MACROD2: variants seen among roughly 807,000 people sequenced by gnomAD.
MACROD2 encodes ADP-ribose glycohydrolase MACROD2.
A neutral mutation model predicts 70.4 loss-of-function variants in MACROD2; 36 were observed. That is an observed-to-expected ratio of 0.51 (90% CI 0.39 to 0.68). The LOEUF is 0.68. Among genes scored for constraint, MACROD2 ranks in the 30% least tolerant of loss-of-function variants. MACROD2 has a pLI of 0.00. For missense variants in MACROD2, 496 were observed against 538.4 expected (o/e 0.92, Z 0.78); for synonymous variants, 172 against 178.8 (o/e 0.96, Z 0.30).
At chr20:15,056,036 C>T (rs567195588) in intron 5 of MACROD2, among the ~76,000 whole-genome samples, 1 of 152,250 alleles carries the variant, frequency 6.6e-6, no homozygotes, top group East Asian at 1.9e-4. Flanking sequence ...ATCCGCCTGC[C>T]TCGGCCTCCC....
At chr20:14,071,568 T>G (rs1023182326) in intron 2 of MACROD2, among the ~76,000 whole-genome samples, 5 of 152,118 alleles carry the variant, frequency 3.3e-5, no homozygotes, top group African/African-American at 9.7e-5. Flanking sequence ...CCCGACCATT[T>G]CATCTTGATT....
At chr20:14,207,913 A>G (rs1348022665) in intron 3 of MACROD2, among the ~76,000 whole-genome samples, 1 of 152,204 alleles carries the variant, frequency 6.6e-6, no homozygotes, top group Non-Finnish European at 1.5e-5. Context: ...GGAATTTTCA[A>G]ATGCCAGCCA....
At chr20:14,694,677 A>G (rs1418656852) in intron 5 of MACROD2, among the ~76,000 whole-genome samples, 1 of 152,196 alleles carries the variant, frequency 6.6e-6, no homozygotes, top group African/African-American at 2.4e-5. Flanking sequence ...CTTTATGACA[A>G]TAATCCATCA....
intron 7 of MACROD2, among the ~76,000 whole-genome samples, chr20:15,460,991 TATATATA>T (rs1568825025): frequency 3.7e-5 from 3 of 80,530 alleles, no homozygotes; most frequent in South Asian, 8.1e-4. Context: ...TATATATATA[TATATATA>T]TATATATATT....
At chr20:15,332,912 C>T (rs1185895406) in intron 6 of MACROD2, among the ~76,000 whole-genome samples, 1 of 149,784 alleles carries the variant, frequency 6.7e-6, no homozygotes, top group Non-Finnish European at 1.5e-5. Context: ...AGAAGTCTGC[C>T]TTTAGCAAGG....
chr20:15,966,903 A>C (rs773393792), intron 12 of MACROD2, among the ~76,000 whole-genome samples: 1 of 152,176 alleles, frequency 6.6e-6, no homozygotes, highest in Non-Finnish European at 1.5e-5. Flanking sequence ...GTAGTTTTGC[A>C]ATAGCCCATA....
intron 2 of MACROD2, among the ~76,000 whole-genome samples, chr20:14,066,263 A>G (rs1434018546): frequency 2.0e-5 from 3 of 152,200 alleles, no homozygotes; most frequent in Non-Finnish European, 4.4e-5. Context: ...GGTCCTCTTA[A>G]GCATAAACAC....
chr20:15,968,994 G>T (rs1305040355), intron 13 of MACROD2, among the ~76,000 whole-genome samples: 3 of 151,786 alleles, frequency 2.0e-5, no homozygotes, highest in Non-Finnish European at 4.4e-5. Flanking sequence ...TAGGGCATTT[G>T]CTGATTCTAC....
intron 5 of MACROD2, among the ~76,000 whole-genome samples, chr20:14,802,691 G>A (rs1413314818): frequency 6.6e-6 from 1 of 151,622 alleles, no homozygotes; most frequent in Non-Finnish European, 1.5e-5. Context: ...TCGTAAATTT[G>A]TATTACAAAT....
chr20:15,321,842 G>T (rs149543954), intron 6 of MACROD2, among the ~76,000 whole-genome samples: 4,448 of 144,016 alleles, frequency 0.031, 800 homozygotes, highest in Non-Finnish European at 0.049. Flanking sequence ...GCCCAGGCTG[G>T]AGTGCAGTTG....
chr20:15,824,356 T>C (rs2063973842), intron 8 of MACROD2, among the ~76,000 whole-genome samples: 1 of 152,182 alleles, frequency 6.6e-6, no homozygotes, highest in Non-Finnish European at 1.5e-5. Flanking sequence ...TATTTTAAGA[T>C]ATGGTTATTT....
chr20:15,426,296 C>A (rs1464903028), intron 6 of MACROD2, among the ~76,000 whole-genome samples: 1 of 151,748 alleles, frequency 6.6e-6, no homozygotes, highest in Non-Finnish European at 1.5e-5. Context: ...GGTGGCCCAA[C>A]CTATAATTTC....
At chr20:14,410,836 A>G (rs1285455928) in intron 3 of MACROD2, among the ~76,000 whole-genome samples, 1 of 152,122 alleles carries the variant, frequency 6.6e-6, no homozygotes, top group Admixed American at 6.6e-5. Flanking sequence ...TGGCATCAGC[A>G]TTTACACAAA....
intron 8 of MACROD2, among the ~76,000 whole-genome samples, chr20:15,547,043 A>G (rs557612533): frequency 3.3e-5 from 5 of 152,286 alleles, no homozygotes; most frequent in African/African-American, 1.2e-4. Context: ...TTGCTGTTGA[A>G]TCGGAACCAA....
intron 4 of MACROD2, among the ~76,000 whole-genome samples, chr20:14,620,491 A>C (rs968965707): frequency 3.3e-5 from 5 of 152,120 alleles, no homozygotes; most frequent in Admixed American, 6.6e-5. Flanking sequence ...GTTAAAAAAA[A>C]AGTTTTCTTT....
chr20:15,350,742 G>A (rs2078218844), intron 6 of MACROD2, among the ~76,000 whole-genome samples: 1 of 152,076 alleles, frequency 6.6e-6, no homozygotes, highest in East Asian at 1.9e-4. Flanking sequence ...TGGTATTCTA[G>A]GAATTTCTAA....
chr20:15,340,727 G>C (rs984289180), intron 6 of MACROD2, among the ~76,000 whole-genome samples: 3 of 151,068 alleles, frequency 2.0e-5, no homozygotes, highest in Admixed American at 6.6e-5. Context: ...CTGTATAAAA[G>C]CTACAAATCA....
intron 6 of MACROD2, among the ~76,000 whole-genome samples, chr20:15,293,745 C>A (rs1568698816): frequency 6.6e-6 from 1 of 152,112 alleles, no homozygotes; most frequent in Non-Finnish European, 1.5e-5. Flanking sequence ...ACATGGAGGC[C>A]AAGAGGGCCA....
At chr20:14,248,444 G>A (rs1296157535) in intron 3 of MACROD2, among the ~76,000 whole-genome samples, 2 of 152,152 alleles carry the variant, frequency 1.3e-5, no homozygotes, top group African/African-American at 4.8e-5. Context: ...TTAGCCGGGT[G>A]TGGTGGCACA....
Sources: allele counts gnomAD v4.1 joint callset (sites outside exome capture counted in the v4.1 genomes callset), GRCh38; gene constraint gnomAD v4.1.1; transcripts MANE v1.5; gene names NCBI Gene and HGNC (gene_info 2026-07-23, HGNC 2026-07-21).